The following TF variants were observed in gnomAD, a reference collection of about 807,000 sequenced individuals.
TF encodes the protein serotransferrin.
Under a neutral mutation model 82.4 loss-of-function variants are expected in TF, and 55 were observed. The observed-to-expected ratio is 0.67, with a 90% CI of 0.54 to 0.84. TF has a LOEUF of 0.84. TF is among the 40% of genes least tolerant of loss of function. TF has a pLI of 0.00. For synonymous variants in TF, 332 were observed against 332.6 expected (o/e 1.00, Z 0.02); for missense variants, 737 against 868.4 (o/e 0.85, Z 1.90).
At chr3:133,662,088 G>T in the TF span, 1 of 152,312 alleles carries the variant, frequency 6.6e-6, no homozygotes, top group Non-Finnish European at 1.5e-5. Flanking sequence ...GGACCCTTTG[G>T]GTTTAGGGCT....
chr3:133,713,145 G>T, the TF span, among the ~76,000 whole-genome samples: 2 of 152,114 alleles, frequency 1.3e-5, no homozygotes, highest in African/African-American at 4.8e-5. Flanking sequence ...AAAATCACAG[G>T]GGGGACACCA....
intron 13 of TF, among the ~76,000 whole-genome samples, chr3:133,768,402 A>G (rs912121485): frequency 1.3e-5 from 2 of 152,232 alleles, no homozygotes; most frequent in Admixed American, 1.3e-4. Context: ...GCAGTTGTCA[A>G]CGGGTGATTT....
chr3:133,717,410 C>G, the TF span, among the ~76,000 whole-genome samples: 1 of 152,232 alleles, frequency 6.6e-6, no homozygotes, highest in East Asian at 1.9e-4. Context: ...GGGATACACT[C>G]TGCTTCTCCC....
chr3:133,761,712 T>C (rs1933999487), intron 9 of TF: 1 of 152,286 alleles, frequency 6.6e-6, no homozygotes, highest in South Asian at 2.1e-4. Flanking sequence ...CTGGATTGTG[T>C]GACAGCTTTG....
At chr3:133,706,571 G>A in the TF span, among the ~76,000 whole-genome samples, 1 of 152,050 alleles carries the variant, frequency 6.6e-6, no homozygotes, top group African/African-American at 2.4e-5. Flanking sequence ...TCTGAGGCTG[G>A]GGCTAGCAAT....
rs1576356047 is a variant in TF at position 133,751,761 on chromosome 3, G to A, written c.217-1834G>A. On this transcript the variant is annotated intron_variant, in intron 2 of 16. Coordinates refer to ENST00000402696, the MANE Select transcript of TF (RefSeq NM_001063.4). ...AATCCCAGCACTTTGGGAGGCCGAG[G>A]CGGGTGGATCACCTGAGGTCAGGAG... Among the ~76,000 whole-genome samples the A allele has an allele frequency of 2.6e-5, 4 of 152,244 alleles. No individual in the cohort carries two copies. In the South Asian group the frequency reaches 8.3e-4, roughly 32 times the overall value.
At chr3:133,722,250 G>T in the TF span, among the ~76,000 whole-genome samples, 1 of 151,490 alleles carries the variant, frequency 6.6e-6, no homozygotes, top group African/African-American at 2.4e-5. Context: ...CTTGCTTCTG[G>T]TTTCTATTTG....
chr3:133,738,474 AAG>A, the TF span, among the ~76,000 whole-genome samples: 1 of 152,200 alleles, frequency 6.6e-6, no homozygotes, highest in African/African-American at 2.4e-5. Flanking sequence ...GCAATCAGGC[AAG>A]AGAAAGAAAT....
At chr3:133,763,666 T>G (rs1281289091) in intron 9 of TF, among the ~76,000 whole-genome samples, 2 of 152,258 alleles carry the variant, frequency 1.3e-5, no homozygotes, top group African/African-American at 2.4e-5. Context: ...AATTTGGGGC[T>G]TACTAGAGCT....
rs575195916 is a variant in TF at position 133,769,024 on chromosome 3, G to C, written c.1622+860G>C. 2.6e-5 allele frequency among the ~76,000 whole-genome samples: 4 copies of C among 152,110 alleles called. No homozygotes were observed. The South Asian group carries it at 8.3e-4, about 32-fold the overall frequency. ...GCCTAGGCTGGTCTCAAACTCCTGG[G>C]CTCAAGCAATCCTCCTGTCTTGGCC... On this transcript the variant is annotated intron_variant, in intron 13 of 16. Transcript: ENST00000402696.
Position 133,756,891 on chromosome 3 carries a change from G to A in TF, c.752G>A (p.Arg251Gln), listed in dbSNP as rs972941728. The A allele has an allele frequency of 1.5e-5, 25 of 1,614,036 alleles. No homozygotes were observed. The highest frequency in any genetic ancestry group is 2.2e-5 in the East Asian group (1 of 44,890). ...QYELLCLDNT[R>Q]KPVDEYKDCH... The stretch of plus-strand genomic sequence containing the variant: ...GAGCTGCTTTGCCTGGACAACACCC[G>A]GAAGCCGGTAGATGAATACAAGGAC... Residue 251 changes from arginine (R) to glutamine (Q), a missense_variant, in exon 7 of 17, where the codon CGG becomes CAG. By Grantham distance (43) the Arg-to-Gln change is conservative. Transcript: ENST00000402696.
chr3:133,774,907 G>A, intron 14 of TF: 1 of 361,432 alleles, frequency 2.8e-6, no homozygotes, highest in South Asian at 2.3e-5. Context: ...GAGGCAAAGG[G>A]GCCGAGATGG....
chr3:133,739,345 C>G, the TF span, among the ~76,000 whole-genome samples: 1 of 151,992 alleles, frequency 6.6e-6, no homozygotes, highest in Non-Finnish European at 1.5e-5. Flanking sequence ...AACATAAGAC[C>G]TAAAACCATA....
chr3:133,692,311 TGA>T, the TF span, among the ~76,000 whole-genome samples: 1 of 152,244 alleles, frequency 6.6e-6, no homozygotes, highest in Non-Finnish European at 1.5e-5. Flanking sequence ...TCAGTGTGTG[TGA>T]GCACAGCTGG....
Position 133,767,958 on chromosome 3 carries a change from T to C in TF, c.1487-71T>C, listed in dbSNP as rs1180014915. The C allele has an allele frequency of 2.5e-6, 4 of 1,588,296 alleles. No homozygotes were observed. The Admixed American group carries it at 5.0e-5, about 20-fold the overall frequency. On this transcript the variant is annotated intron_variant, in intron 12 of 16. Transcript: ENST00000402696. ...CTACTTATTATGGGCCATGCAGCCCTGTTATCTCTTAAATAAAAGCTGCTT... is the reference window on the plus strand; with the variant it reads ...CTACTTATTATGGGCCATGCAGCCCCGTTATCTCTTAAATAAAAGCTGCTT...
chr3:133,677,909 A>G, the TF span, among the ~76,000 whole-genome samples: 80,328 of 151,826 alleles, frequency 0.53, 22,131 homozygotes, highest in African/African-American at 0.69. Flanking sequence ...AGTGCGGAAC[A>G]TGCAGGTTTG....
chr3:133,692,611 T>C, the TF span, among the ~76,000 whole-genome samples: 9 of 152,142 alleles, frequency 5.9e-5, no homozygotes, highest in African/African-American at 2.2e-4. Context: ...GGGATGGTGT[T>C]CTCTCTCCTG....
intron 1 of TF, 158 bp from the exon 2 acceptor site, chr3:133,748,254 C>A: frequency 1.1e-6 from 1 of 948,076 alleles, no homozygotes; most frequent in Non-Finnish European, 1.6e-6. Flanking sequence ...GGCTCAGACT[C>A]AGAATGCAGT....
At chr3:133,664,767 G>T in the TF span, among the ~76,000 whole-genome samples, 1 of 151,892 alleles carries the variant, frequency 6.6e-6, no homozygotes, top group Non-Finnish European at 1.5e-5. Flanking sequence ...CATAAAAATT[G>T]TATTTTTTTT....
Sources: allele counts gnomAD v4.1 joint callset (sites outside exome capture counted in the v4.1 genomes callset), GRCh38; gene constraint gnomAD v4.1.1; transcripts MANE v1.5; gene names NCBI Gene and HGNC (gene_info 2026-07-23, HGNC 2026-07-21).